MEGF11: variants seen among roughly 807,000 people sequenced by gnomAD.
MEGF11 encodes multiple EGF like domains 11, also known as multiple epidermal growth factor-like domains protein 11.
Under a neutral mutation model 146.6 loss-of-function variants are expected in MEGF11, and 126 were observed. That is an observed-to-expected ratio of 0.86 (90% CI 0.74 to 1.00). The LOEUF is 1.00. MEGF11 is among the 50% of genes least tolerant of loss of function. MEGF11 has a pLI of 0.00. For missense variants in MEGF11, 1,509 were observed against 1,521.2 expected, an observed-to-expected ratio of 0.99 and a Z score of 0.13; for synonymous variants, 532 against 583.4, an observed-to-expected ratio of 0.91 and a Z score of 1.27.
chr15:65,985,394 ACTT>A (rs201068459), intron 5 of MEGF11, among the ~76,000 whole-genome samples: 3,216 of 152,176 alleles, frequency 0.021, 84 homozygotes, highest in African/African-American at 0.062. Context: ...GAGACTAGCC[ACTT>A]CTTCTCTGTT....
At chr15:65,977,156 G>T (rs986140597) in intron 7 of MEGF11, among the ~76,000 whole-genome samples, 1 of 12,432 alleles carries the variant, frequency 8.0e-5, no homozygotes, top group African/African-American at 1.5e-4. Context: ...GCAAGATTGA[G>T]ACTCCGTCTC....
At chr15:66,081,127 G>A (rs2085836972) in intron 5 of MEGF11, among the ~76,000 whole-genome samples, 1 of 152,150 alleles carries the variant, frequency 6.6e-6, no homozygotes, top group African/African-American at 2.4e-5. Context: ...AGGGGGCGAG[G>A]ATGTGATCAC....
intron 1 of MEGF11, among the ~76,000 whole-genome samples, chr15:66,131,379 G>A (rs1467206984): frequency 6.6e-6 from 1 of 152,266 alleles, no homozygotes; most frequent in Non-Finnish European, 1.5e-5. Context: ...CAGTGCACTT[G>A]AGGACTCTCA....
intron 15 of MEGF11, among the ~76,000 whole-genome samples, chr15:65,919,773 C>A (rs1238359566): frequency 6.6e-6 from 1 of 152,182 alleles, no homozygotes; most frequent in African/African-American, 2.4e-5. Flanking sequence ...GCACGCGCCA[C>A]CATGTCCGGC....
intron 1 of MEGF11, among the ~76,000 whole-genome samples, chr15:66,199,385 C>T (rs1779409550): frequency 6.6e-6 from 1 of 152,128 alleles, no homozygotes; most frequent in Admixed American, 6.5e-5. Context: ...TTCTAGCCTC[C>T]ACGTCCGTCA....
intron 1 of MEGF11, among the ~76,000 whole-genome samples, chr15:66,195,319 A>T (rs1735631110): frequency 6.6e-6 from 1 of 152,244 alleles, no homozygotes; most frequent in Non-Finnish European, 1.5e-5. Flanking sequence ...GAGGGACACC[A>T]TCAGTCCACA....
chr15:66,253,335 G>A (rs2092403024), intron 1 of MEGF11, among the ~76,000 whole-genome samples: 1 of 152,212 alleles, frequency 6.6e-6, no homozygotes, highest in African/African-American at 2.4e-5. Context: ...ACTGCGGCCG[G>A]AGGGCTGCGG....
At chr15:66,033,290 C>T (rs953974664) in intron 5 of MEGF11, among the ~76,000 whole-genome samples, 2 of 152,088 alleles carry the variant, frequency 1.3e-5, no homozygotes, top group South Asian at 4.1e-4. Context: ...TCTGAGGCTG[C>T]CCCTCCCATA....
chr15:65,942,340 C>CT (rs1272680114), intron 10 of MEGF11, among the ~76,000 whole-genome samples: 1 of 152,084 alleles, frequency 6.6e-6, no homozygotes, highest in African/African-American at 2.4e-5. Context: ...GCAGAAATGG[C>CT]TTATGGGGGC....
At chr15:66,218,368 T>G (rs746294837) in intron 1 of MEGF11, among the ~76,000 whole-genome samples, 1 of 152,192 alleles carries the variant, frequency 6.6e-6, no homozygotes, top group African/African-American at 2.4e-5. Context: ...GCAGGGCTCA[T>G]GGGGCCTGCA....
At position 65,896,927 on chromosome 15, in the gene MEGF11, G is replaced by A. The variant is rs910306576; in HGVS notation, c.*1007C>T. 8 of 152,252 alleles carry A rather than the reference G, an allele frequency of 5.3e-5. No individual in the cohort carries two copies. Among genetic ancestry groups the A allele is most frequent in the African/African-American group, 1.7e-4 (7 of 41,554 alleles). The allele number at this position is 152,252 out of a possible 1,614,324, so 9.4% of individuals were successfully genotyped here. The stretch of plus-strand genomic sequence containing the variant: ...GTGTAAACTTGCTGTATCCACATTT[G>A]TCCAATTTCCTGTATACTTTTAGGT... On this transcript the variant is annotated 3_prime_UTR_variant, in exon 26 of 26. Transcript: ENST00000395614.
At chr15:66,134,349 T>C (rs1337733670) in intron 1 of MEGF11, among the ~76,000 whole-genome samples, 3 of 152,120 alleles carry the variant, frequency 2.0e-5, no homozygotes, top group Non-Finnish European at 4.4e-5. Flanking sequence ...AGAAAACTTA[T>C]CTATGTTCTT....
At chr15:66,015,140 C>T (rs1433955390) in intron 5 of MEGF11, among the ~76,000 whole-genome samples, 2 of 152,206 alleles carry the variant, frequency 1.3e-5, no homozygotes, top group Non-Finnish European at 2.9e-5. Context: ...GCACGGCACA[C>T]AGTTATCTGT....
At chr15:66,085,375 A>C (rs1233387483) in intron 5 of MEGF11, among the ~76,000 whole-genome samples, 1 of 152,168 alleles carries the variant, frequency 6.6e-6, no homozygotes, top group Non-Finnish European at 1.5e-5. Context: ...CAACCAGCAC[A>C]AAAAAAGAGC....
intron 5 of MEGF11, among the ~76,000 whole-genome samples, chr15:66,040,926 T>TCC (rs11435723): frequency 6.9e-6 from 1 of 145,188 alleles, no homozygotes; most frequent in African/African-American, 2.5e-5. Flanking sequence ...TTTTTTTTTT[T>TCC]CCCCCCCGGT....
At chr15:65,995,646 C>T (rs1309452395) in intron 5 of MEGF11, among the ~76,000 whole-genome samples, 1 of 152,212 alleles carries the variant, frequency 6.6e-6, no homozygotes, top group Non-Finnish European at 1.5e-5. Context: ...TTTACTCCAG[C>T]TAGGCAAGAT....
intron 2 of MEGF11, among the ~76,000 whole-genome samples, chr15:66,126,398 C>T (rs1234560417): frequency 6.6e-6 from 1 of 152,258 alleles, no homozygotes. Flanking sequence ...CACTCCTTGT[C>T]TTCCCATCCA....
intron 1 of MEGF11, among the ~76,000 whole-genome samples, chr15:66,156,852 C>T (rs764141421): frequency 2.6e-5 from 4 of 152,098 alleles, no homozygotes; most frequent in African/African-American, 4.8e-5. Context: ...AACAGAGCAA[C>T]GCAAGAGGAA....
intron 4 of MEGF11, among the ~76,000 whole-genome samples, chr15:66,115,971 C>T (rs554174938): frequency 1.3e-5 from 2 of 152,290 alleles, no homozygotes; most frequent in Non-Finnish European, 2.9e-5. Flanking sequence ...CCGGTGAAGC[C>T]GCCCAGCCTG....
Sources: gnomAD v4.1 joint callset for allele counts (sites outside exome capture counted in the v4.1 genomes callset) on GRCh38, gnomAD v4.1.1 for gene constraint, MANE v1.5 for transcripts, NCBI Gene and HGNC (gene_info 2026-07-23, HGNC 2026-07-21) for gene names.